The following UNC13A variants were observed in gnomAD, a reference collection of about 807,000 sequenced individuals.
UNC13A encodes unc-13 homolog A.
In UNC13A, 61 loss-of-function variants were observed where a neutral mutation model predicts 219.7. The observed-to-expected ratio is 0.28, with a 90% CI of 0.23 to 0.34. The LOEUF is 0.34. Ranked by LOEUF, UNC13A falls within the 10% of genes least tolerant of loss-of-function variation. The probability of loss-of-function intolerance (pLI) is 1.00; values close to 1 mark genes in which losing one functional copy is unlikely to be tolerated. For synonymous variants in UNC13A, 920 were observed against 884.6 expected, an observed-to-expected ratio of 1.04 and a Z score of -0.71; for missense variants, 1,476 against 2,270.3, an observed-to-expected ratio of 0.65 and a Z score of 7.11.
At chr19:17,647,633 A>AC (rs1390676935) in intron 16 of UNC13A, 141 bp from the exon 17 acceptor site, 11 of 738,724 alleles carry the variant, frequency 1.5e-5, no homozygotes, top group East Asian at 1.4e-4. Flanking sequence ...TGCTTTCTGT[A>AC]CCCCCCACCC....
chr19:17,680,884 C>CTTT (rs2079997096), intron 1 of UNC13A, among the ~76,000 whole-genome samples: 8 of 69,534 alleles, frequency 1.2e-4, no homozygotes, highest in Non-Finnish European at 1.8e-4. Context: ...TTTTTCTTTT[C>CTTT]TTTTCTTTTT....
chr19:17,663,928 T>C (rs181908787), intron 7 of UNC13A, among the ~76,000 whole-genome samples: 220 of 152,184 alleles, frequency 1.4e-3, no homozygotes, highest in African/African-American at 4.7e-3. Flanking sequence ...CCTGAGTAAC[T>C]GAGATTACAG....
intron 2 of UNC13A, among the ~76,000 whole-genome samples, 154 bp downstream of exon 2, chr19:17,675,858 C>A (rs1467800483): frequency 1.3e-5 from 2 of 152,016 alleles, no homozygotes; most frequent in African/African-American, 4.8e-5. Context: ...CCAATGGCTG[C>A]CCCTCCCCCT....
intron 6 of UNC13A, among the ~76,000 whole-genome samples, 177 bp from the exon 7 acceptor site, chr19:17,666,881 C>CGAGAGA (rs10535025): frequency 1.2e-4 from 14 of 115,178 alleles, no homozygotes; most frequent in African/African-American, 4.7e-4. Flanking sequence ...CACACACACA[C>CGAGAGA]GAGAGAGAGA....
At chr19:17,668,001 A>C in intron 6 of UNC13A, 116 bp downstream of exon 6, 1 of 1,060,986 alleles carries the variant, frequency 9.4e-7, no homozygotes, top group Non-Finnish European at 1.4e-6. Context: ...AAAGAGTTAG[A>C]AACAGAGATG....
intron 12 of UNC13A, among the ~76,000 whole-genome samples, chr19:17,652,392 A>G (rs1254910344): frequency 6.6e-6 from 1 of 152,118 alleles, no homozygotes; most frequent in South Asian, 2.1e-4. Flanking sequence ...TCGGCCTCCC[A>G]AAGTGCTAGG....
intron 1 of UNC13A, among the ~76,000 whole-genome samples, chr19:17,681,763 A>C (rs561705785): frequency 7.2e-5 from 11 of 152,262 alleles, no homozygotes; most frequent in Admixed American, 6.5e-4. Context: ...GGCGCTGTCC[A>C]CGGTGCTGAA....
intron 1 of UNC13A, 93 bp downstream of exon 1, chr19:17,688,084 AC>A (rs564345622): frequency 9.1e-6 from 13 of 1,436,314 alleles, no homozygotes; most frequent in Middle Eastern, 2.5e-4. Flanking sequence ...GACTCGGGTC[AC>A]CCCCCAGGAA....
At chr19:17,631,222 T>TCCCTCC (rs59519256) in intron 28 of UNC13A, among the ~76,000 whole-genome samples, 478 of 31,764 alleles carry the variant, frequency 0.015, 41 homozygotes, top group African/African-American at 0.024. Flanking sequence ...CTTCCTTCCT[T>TCCCTCC]CTTCCTTCCT....
chr19:17,658,372 G>C, intron 8 of UNC13A, 103 bp from the exon 9 acceptor site: 1 of 1,130,976 alleles, frequency 8.8e-7, no homozygotes, highest in South Asian at 1.4e-5. Context: ...CCGAAGAAGA[G>C]AATTTTTTAC....
At chr19:17,652,441 A>G (rs550960890) in intron 12 of UNC13A, among the ~76,000 whole-genome samples, 190 bp downstream of exon 12, 5 of 152,210 alleles carry the variant, frequency 3.3e-5, no homozygotes, top group African/African-American at 1.2e-4. Context: ...CCTGTCTTCA[A>G]AGATTACTGT....
At position 17,668,485 on chromosome 19, in the gene UNC13A, T is replaced by A. The variant is rs777132599; in HGVS notation, c.395-295A>T. 5.9e-5 allele frequency among the ~76,000 whole-genome samples: 9 copies of A among 152,194 alleles called. No homozygotes were observed. The South Asian group carries it at 6.2e-4, about 10-fold the overall frequency. On this transcript the variant is annotated intron_variant, in intron 5 of 43. Coordinates refer to ENST00000519716, the MANE Select transcript of UNC13A (RefSeq NM_001080421.3). ...AAGCCATTGTTTTTATTTAATTTTT[T>A]AATTTTTAAATTGTTTTTTGAGACG... is the stretch of plus-strand genomic sequence containing the variant.
Position 17,630,018 on chromosome 19 carries a change from C to T in UNC13A, c.3669+127G>A, listed in dbSNP as rs2076825654. On this transcript the variant is annotated intron_variant, in intron 30 of 43. Coordinates refer to ENST00000519716, the MANE Select transcript of UNC13A (RefSeq NM_001080421.3). ...CCAACCTCAACCCAAACTCCAACTT[C>T]AATCCCAACCTCAATGACATCACCA... is the stretch of plus-strand genomic sequence containing the variant. 1.4e-5 allele frequency: 16 copies of T among 1,128,110 alleles called. No individual in the cohort carries two copies. In the South Asian group the frequency reaches 2.3e-4, roughly 16 times the overall value. 69.9% of individuals were successfully genotyped at this position (1,128,110 alleles called of 1,614,324 possible). A position where few individuals can be genotyped will look rare whatever the true frequency, so the allele number is the denominator to read the frequency against.
chr19:17,643,245 C>T (rs993920653), intron 19 of UNC13A, among the ~76,000 whole-genome samples: 1 of 152,074 alleles, frequency 6.6e-6, no homozygotes, highest in Non-Finnish European at 1.5e-5. Context: ...CTCCTTACCT[C>T]AGGTGATCCA....
chr19:17,622,776 T>C (rs965010659), intron 36 of UNC13A: 1 of 152,910 alleles, frequency 6.5e-6, no homozygotes, highest in Non-Finnish European at 1.5e-5. Flanking sequence ...AATACTGAGA[T>C]GAGTATTTTA....
chr19:17,650,310 T>C (rs1447249554), intron 12 of UNC13A, among the ~76,000 whole-genome samples: 1 of 151,960 alleles, frequency 6.6e-6, no homozygotes, highest in African/African-American at 2.4e-5. Context: ...GGTTAGGAGT[T>C]CGAGACCAGC....
chr19:17,620,520 C>T (rs1406015311), intron 38 of UNC13A, among the ~76,000 whole-genome samples, 173 bp downstream of exon 38: 2 of 151,790 alleles, frequency 1.3e-5, no homozygotes, highest in African/African-American at 4.8e-5. Flanking sequence ...CCCACCAACC[C>T]CCCACCCACC....
At position 17,676,787 on chromosome 19, in the gene UNC13A, G is replaced by T. The variant is rs181684927; in HGVS notation, c.23-746C>A. Among the ~76,000 whole-genome samples, 17 of 152,284 alleles carry T rather than the reference G, an allele frequency of 1.1e-4. No individual in the cohort carries two copies. In the East Asian group the frequency reaches 2.9e-3, roughly 26 times the overall value. ...CCAGCACTTTAGGTGGCTGAAGCAG[G>T]TGGATCACCTGAGGTCAGGAGTTCA... On this transcript the variant is annotated intron_variant, in intron 1 of 43. Transcript: ENST00000519716.
At position 17,626,665 on chromosome 19, in the gene UNC13A, C is replaced by A. The variant is rs1324597154; in HGVS notation, c.4041G>T (p.Val1347=). The change falls in exon 34 of 44, where the codon GTG becomes GTT. Residue 1347 remains valine, a synonymous_variant. Coordinates refer to ENST00000519716, the MANE Select transcript of UNC13A (RefSeq NM_001080421.3). ...CSSVAQDADN[V]LQPIMDLLDS... is the part of the protein sequence containing the mutation. ...CCAGCAGGTCCATGATGGGCTGCAA[C>A]ACATTGTCCGCGTCCTGGGCCACGC... The A allele has an allele frequency of 6.4e-7, 1 of 1,568,676 alleles. No homozygotes were observed. The highest frequency in any genetic ancestry group is 1.4e-5 in the African/African-American group (1 of 73,992).
Sources: gnomAD v4.1 joint callset for allele counts (sites outside exome capture counted in the v4.1 genomes callset) on GRCh38, gnomAD v4.1.1 for gene constraint, MANE v1.5 for transcripts, NCBI Gene and HGNC (gene_info 2026-07-23, HGNC 2026-07-21) for gene names.